Variants in TBXAS1 observed in about 807,000 individuals in gnomAD.
TBXAS1 encodes the protein thromboxane-A synthase.
Under a neutral mutation model 60.7 loss-of-function variants are expected in TBXAS1, and 48 were observed. The ratio of observed to expected loss-of-function variants is 0.79; its 90% CI spans 0.63 to 1.01. TBXAS1 has a LOEUF of 1.01. TBXAS1 is among the 50% of genes least tolerant of loss of function. The pLI is 0.00. For missense variants in TBXAS1, 685 were observed against 686.3 expected (o/e 1.00, Z 0.02); for synonymous variants, 287 against 269.7 (o/e 1.06, Z -0.63).
intron 4 of TBXAS1, among the ~76,000 whole-genome samples, chr7:139,914,866 C>A (rs527546811): frequency 1.3e-5 from 2 of 152,056 alleles, no homozygotes; most frequent in African/African-American, 2.4e-5. Context: ...TTTTTTTAAA[C>A]CCCATGACAT....
In TBXAS1 at chr7:140,016,306, T is replaced by G. The variant is rs368917596; in HGVS notation, c.1364+446T>G. On this transcript the variant is annotated intron_variant, in intron 11 of 12. Transcript: ENST00000448866. ...TGGTGCCACTACACTCCAGCCTGGG[T>G]GACAGAGCAAGACTCTGTCTAAAAA... 5 of 250,518 alleles carry G rather than the reference T, an allele frequency of 2.0e-5. 1 individual carries two copies. Among genetic ancestry groups the G allele is most frequent in the South Asian group, 1.1e-4 (2 of 18,962 alleles). The allele number at this position is 250,518 out of a possible 1,614,324, so 15.5% of individuals were successfully genotyped here.
chr7:139,935,075 G>C lies in TBXAS1; in HGVS notation c.334-1116G>C, dbSNP rs192090161. 3.6e-3 allele frequency among the ~76,000 whole-genome samples: 547 copies of C among 152,200 alleles called. 1 individual carries two copies. The highest frequency in any genetic ancestry group is 6.8e-3 in the Middle Eastern group (2 of 294). ...GTGATCCACCCACCTTGGCCTCCCA[G>C]CGTGCTGGGATTATAGGCGTGAGCC... On this transcript the variant is annotated intron_variant, in intron 4 of 12. Coordinates refer to ENST00000448866, the MANE Select transcript of TBXAS1 (RefSeq NM_001061.7).
chr7:139,873,514 C>A (rs1018090034), intron 2 of TBXAS1, among the ~76,000 whole-genome samples: 3 of 152,058 alleles, frequency 2.0e-5, no homozygotes, highest in Non-Finnish European at 4.4e-5. Flanking sequence ...ACTCTTGTGA[C>A]AAATTAGTGT....
intron 7 of TBXAS1, among the ~76,000 whole-genome samples, chr7:139,956,647 G>A (rs922903550): frequency 3.9e-5 from 6 of 152,348 alleles, no homozygotes; most frequent in Middle Eastern, 3.4e-3. Flanking sequence ...ATGGGAGCCC[G>A]TCACCTCACT....
intron 4 of TBXAS1, among the ~76,000 whole-genome samples, chr7:139,806,412 TCTACC>T (rs1253418708): frequency 6.6e-6 from 1 of 151,450 alleles, no homozygotes; most frequent in Non-Finnish European, 1.5e-5. Flanking sequence ...ACAGGCGCGC[TCTACC>T]ATACCCAGCT....
At chr7:139,884,824 G>C (rs1802957696) in intron 3 of TBXAS1, among the ~76,000 whole-genome samples, 1 of 152,180 alleles carries the variant, frequency 6.6e-6, no homozygotes, top group Non-Finnish European at 1.5e-5. Flanking sequence ...AGTACAGCAG[G>C]GTCTCAGCGG....
chr7:139,932,498 T>C (rs1807415346), intron 4 of TBXAS1, among the ~76,000 whole-genome samples: 1 of 151,798 alleles, frequency 6.6e-6, no homozygotes, highest in African/African-American at 2.4e-5. Context: ...ATTTTCTCCA[T>C]AGCTTCCTCT....
At chr7:140,019,953 C>A in intron 12 of TBXAS1, 72 bp from the exon 13 acceptor site, 10 of 1,470,302 alleles carry the variant, frequency 6.8e-6, no homozygotes, top group Non-Finnish European at 8.5e-6. Context: ...CCTTCTTGAA[C>A]CTCCAAGTCT....
rs547463765 is a variant in TBXAS1 at position 139,994,572 on chromosome 7, T to C, written c.1135-12519T>C. Among the ~76,000 whole-genome samples, 42 of 151,008 alleles carry C rather than the reference T, an allele frequency of 2.8e-4. 1 individual carries two copies. The South Asian group carries it at 8.8e-3, about 32-fold the overall frequency. The stretch of plus-strand genomic sequence containing the variant: ...CCACTTATATCCTGGACTGTGAAAA[T>C]GGACCGAGTGGGCAATAGGGAATTC... On this transcript the variant is annotated intron_variant, in intron 9 of 12. Coordinates refer to ENST00000448866, the MANE Select transcript of TBXAS1 (RefSeq NM_001061.7).
chr7:140,015,901 G>A, intron 11 of TBXAS1, 41 bp downstream of exon 11: 1 of 1,612,082 alleles, frequency 6.2e-7, no homozygotes, highest in South Asian at 1.1e-5. Context: ...AGGGATGTGA[G>A]TGTGTGGGAT....
chr7:139,961,772 TC>T, intron 8 of TBXAS1, 146 bp from the exon 9 acceptor site: 1 of 1,010,236 alleles, frequency 9.9e-7, no homozygotes, highest in Non-Finnish European at 1.5e-6. Context: ...GTTCTCACCG[TC>T]CCAGATAACC....
chr7:139,837,049 T>C (rs1489055336), intron 1 of TBXAS1, among the ~76,000 whole-genome samples: 2 of 151,990 alleles, frequency 1.3e-5, no homozygotes, highest in Admixed American at 6.5e-5. Flanking sequence ...CCAACAAACA[T>C]GAAAAAATGC....
chr7:139,857,778 T>C (rs1800683452), intron 1 of TBXAS1, among the ~76,000 whole-genome samples: 1 of 151,724 alleles, frequency 6.6e-6, no homozygotes, highest in African/African-American at 2.4e-5. Context: ...TCACCCAAGC[T>C]GGAGTGCAGT....
At chr7:139,784,239 TCTTCCTTC>T (rs779302310) in intron 3 of TBXAS1, among the ~76,000 whole-genome samples, 1 of 147,198 alleles carries the variant, frequency 6.8e-6, no homozygotes, top group African/African-American at 2.5e-5. Flanking sequence ...TCTCTCTCTC[TCTTCCTTC>T]CTTCCTTCCT....
At chr7:139,789,206 T>C (rs1274734481) in intron 4 of TBXAS1, 1 of 148,182 alleles carries the variant, frequency 6.7e-6, no homozygotes, top group African/African-American at 2.6e-5. Flanking sequence ...ACATTTAATA[T>C]GTTTAATCTC....
chr7:139,967,567 C>T (rs1013830882), intron 9 of TBXAS1, among the ~76,000 whole-genome samples: 1 of 152,212 alleles, frequency 6.6e-6, no homozygotes, highest in Non-Finnish European at 1.5e-5. Context: ...CCAGTGACTT[C>T]GAGAGGGTCA....
chr7:140,015,546 G>A (rs914547504), intron 10 of TBXAS1, among the ~76,000 whole-genome samples, 177 bp from the exon 11 acceptor site: 1 of 152,134 alleles, frequency 6.6e-6, no homozygotes, highest in Admixed American at 6.5e-5. Context: ...TGGGGTAGGG[G>A]CTTGGTCACC....
chr7:139,799,565 A>G (rs1226978831), intron 4 of TBXAS1, among the ~76,000 whole-genome samples: 3 of 152,116 alleles, frequency 2.0e-5, no homozygotes, highest in Non-Finnish European at 4.4e-5. Context: ...CATGTTGCTC[A>G]GGCTAGTCTT....
chr7:139,783,927 T>A (rs996612283), intron 3 of TBXAS1, among the ~76,000 whole-genome samples: 3 of 152,060 alleles, frequency 2.0e-5, no homozygotes, highest in Non-Finnish European at 4.4e-5. Context: ...CATGAGTTAG[T>A]TAGACACTGT....
Sources: allele counts gnomAD v4.1 joint callset (sites outside exome capture counted in the v4.1 genomes callset), GRCh38; gene constraint gnomAD v4.1.1; transcripts MANE v1.5; gene names NCBI Gene and HGNC (gene_info 2026-07-23, HGNC 2026-07-21).